Variants in CYP2S1 observed in about 807,000 individuals in gnomAD.
The protein encoded by CYP2S1 is cytochrome P450 2S1.
CYP2S1 carries 32 observed loss-of-function variants against 43.5 expected under a neutral mutation model. The ratio of observed to expected loss-of-function variants is 0.74; its 90% CI spans 0.56 to 0.99. The LOEUF (loss-of-function observed/expected upper bound fraction) is 0.99. Among genes scored for constraint, CYP2S1 ranks in the 50% least tolerant of loss-of-function variants. CYP2S1 has a pLI of 0.00. For synonymous variants in CYP2S1, 283 were observed against 302.9 expected, an observed-to-expected ratio of 0.93 and a Z score of 0.68; for missense variants, 575 against 673.9, an observed-to-expected ratio of 0.85 and a Z score of 1.62.
intron 2 of CYP2S1, among the ~76,000 whole-genome samples, chr19:41,196,196 T>G: frequency 6.7e-6 from 1 of 149,346 alleles, no homozygotes; most frequent in African/African-American, 2.5e-5. Flanking sequence ...GGGGTGAGAG[T>G]GATGGAGGCA....
At position 41,206,679 on chromosome 19, in the gene CYP2S1, C is replaced by T. The variant is rs1171455563; in HGVS notation, c.*191C>T. On this transcript the variant is annotated 3_prime_UTR_variant, in exon 9 of 9. Coordinates refer to ENST00000310054, the MANE Select transcript of CYP2S1 (RefSeq NM_030622.8). Reference sequence around the variant, plus strand: ...CATGCTGCTAAGATGCACAACCGCACACCCATACACAACTACAAGGGCCAC... The same window carrying T: ...CATGCTGCTAAGATGCACAACCGCATACCCATACACAACTACAAGGGCCAC... 3.7e-6 allele frequency: 3 copies of T among 801,048 alleles called. No individual in the cohort carries two copies. In the African/African-American group the frequency reaches 5.0e-5, roughly 13 times the overall value. 49.6% of individuals were successfully genotyped at this position (801,048 alleles called of 1,614,324 possible). A position where few individuals can be genotyped will look rare whatever the true frequency, so the allele number is the denominator to read the frequency against.
At chr19:41,200,839 G>T (rs1039903283) in intron 5 of CYP2S1, among the ~76,000 whole-genome samples, 1 of 152,130 alleles carries the variant, frequency 6.6e-6, no homozygotes, top group African/African-American at 2.4e-5. Flanking sequence ...GCAGCCCTGT[G>T]GAAAATGGTA....
chr19:41,200,282 T>C (rs2033472065), intron 5 of CYP2S1, among the ~76,000 whole-genome samples: 1 of 152,210 alleles, frequency 6.6e-6, no homozygotes, highest in African/African-American at 2.4e-5. Flanking sequence ...CATACTGTTA[T>C]GCAATCAGTC....
Position 41,206,829 on chromosome 19 carries a change from C to T in CYP2S1, c.*341C>T. On this transcript the variant is annotated 3_prime_UTR_variant, in exon 9 of 9. Coordinates refer to ENST00000310054, the MANE Select transcript of CYP2S1 (RefSeq NM_030622.8). ...CCCACACGTGGGAGTCTGGCTGTCACCTTCACAAGCCACAGAAACGGCCAC... is the reference window on the plus strand; with the variant it reads ...CCCACACGTGGGAGTCTGGCTGTCATCTTCACAAGCCACAGAAACGGCCAC... 2.0e-6 allele frequency: 1 copy of T among 506,502 alleles called. No homozygotes were observed. Among genetic ancestry groups the T allele is most frequent in the Non-Finnish European group, 3.8e-6 (1 of 260,058 alleles). 31.4% of individuals were successfully genotyped at this position (506,502 alleles called of 1,614,324 possible).
Position 41,197,963 on chromosome 19 carries a change from C to T in CYP2S1, c.493+35C>T, listed in dbSNP as rs113009382. 4.2e-5 allele frequency: 66 copies of T among 1,578,474 alleles called. No homozygotes were observed. In the African/African-American group the frequency reaches 4.6e-4, roughly 11 times the overall value. The stretch of plus-strand genomic sequence containing the variant: ...GCGGGGTCACCCCAGGGTCTCCAGC[C>T]GAGTGAAAGGGAAAACTCTCCTACT... On this transcript the variant is annotated intron_variant, in intron 3 of 8. Transcript: ENST00000310054.
In CYP2S1 at chr19:41,197,902, T is replaced by G; in HGVS notation, c.467T>G (p.Leu156Arg). 6.2e-7 allele frequency: 1 copy of G among 1,613,638 alleles called. No individual in the cohort carries two copies. The highest frequency in any genetic ancestry group is 8.5e-7 in the Non-Finnish European group (1 of 1,179,848). Residue 156 changes from leucine (L) to arginine (R), a missense_variant, in exon 3 of 9, where the codon CTG becomes CGG. Leu to Arg is a moderately radical substitution (Grantham distance 102, BLOSUM62 -2). This residue lies in a region of CYP2S1 where 353 missense variants were observed against 367.6 expected (regional missense o/e 0.96). Transcript: ENST00000310054. The part of the protein sequence containing the change: ...EELIQAEARC[L>R]VETFQGTEGR... ...CTGATCCAGGCGGAGGCCCGGTGTC[T>G]GGTGGAGACATTCCAGGGGACAGAA...
chr19:41,197,939 C>G lies in CYP2S1; in HGVS notation c.493+11C>G, dbSNP rs559786282. 3.0e-5 allele frequency: 48 copies of G among 1,605,574 alleles called. No homozygotes were observed. Among genetic ancestry groups the G allele is most frequent in the Non-Finnish European group, 4.2e-6 (5 of 1,176,600 alleles). ...TCCAGGGGACAGAAGGTCAGCATGG[C>G]GGGGTCACCCCAGGGTCTCCAGCCG... is the stretch of plus-strand genomic sequence containing the variant. On this transcript the variant is annotated intron_variant, in intron 3 of 8. Transcript: ENST00000310054.
At chr19:41,204,391 T>C (rs1568402121) in intron 7 of CYP2S1, among the ~76,000 whole-genome samples, 1 of 146,244 alleles carries the variant, frequency 6.8e-6, no homozygotes, top group Non-Finnish European at 1.5e-5. Context: ...GCAGACACAT[T>C]CTCTCCTCTG....
rs1013254028 is a variant in CYP2S1, at chr19:41,205,546, G to C, written c.1165-412G>C. On this transcript the variant is annotated intron_variant, in intron 7 of 8. Transcript: ENST00000310054. ...CTCTTTCTCTCTTTCTTTCTTGACAGGGTCTCTCTTTGTCTCCCAGGCTGG... is the reference window on the plus strand; with the variant it reads ...CTCTTTCTCTCTTTCTTTCTTGACACGGTCTCTCTTTGTCTCCCAGGCTGG... 3.3e-5 allele frequency among the ~76,000 whole-genome samples: 5 copies of C among 149,968 alleles called. No individual in the cohort carries two copies. The East Asian group carries it at 9.8e-4, about 29-fold the overall frequency.
At chr19:41,204,848 G>A (rs1473062542) in intron 7 of CYP2S1, among the ~76,000 whole-genome samples, 5 of 151,784 alleles carry the variant, frequency 3.3e-5, no homozygotes, top group South Asian at 2.1e-4. Context: ...TGCCTGCCTC[G>A]GCCTCCTAAA....
Position 41,198,344 on chromosome 19 carries a change from T to G in CYP2S1, c.494-118T>G, listed in dbSNP as rs2033441335. ...TTCTTTGCCTGTTTAGCTCTCTCCC[T>G]GCGCTGTCCATCCATCTTTCCCTGC... On this transcript the variant is annotated intron_variant, in intron 3 of 8. Coordinates refer to ENST00000310054, the MANE Select transcript of CYP2S1 (RefSeq NM_030622.8). The surrounding 1 kb of genome is among the most constrained non-coding windows in gnomAD (Gnocchi z 4.9). 6 of 1,336,278 alleles carry G rather than the reference T, an allele frequency of 4.5e-6. No individual in the cohort carries two copies. The highest frequency in any genetic ancestry group is 5.2e-6 in the Non-Finnish European group (5 of 963,164). 82.8% of individuals were successfully genotyped at this position (1,336,278 alleles called of 1,614,324 possible).
chr19:41,205,207 AC>A (rs1477801828), intron 7 of CYP2S1, among the ~76,000 whole-genome samples: 1 of 152,154 alleles, frequency 6.6e-6, no homozygotes, highest in Non-Finnish European at 1.5e-5. Context: ...TGCCCATCTT[AC>A]AGATAAGGAA....
rs1429687654 is a variant in CYP2S1, at chr19:41,203,588, C to A, written c.1115C>A (p.Pro372His). The A allele has an allele frequency of 7.7e-6, 12 of 1,559,912 alleles. No homozygotes were observed. The highest frequency in any genetic ancestry group is 1.9e-5 in the Admixed American group (1 of 52,036). Residue 372 changes from proline (P) to histidine (H), a missense_variant, in exon 7 of 9, where the codon CCC (proline) becomes CAC (histidine). This residue lies in a region of CYP2S1 where 222 missense variants were observed against 306.3 expected (regional missense o/e 0.72). Transcript: ENST00000310054. Reference sequence around the variant, plus strand: ...CTGGCGCTGGTGCCCATGGGAATACCCCGCACCCTCATGCGGACCACCCGC... The same window carrying A: ...CTGGCGCTGGTGCCCATGGGAATACACCGCACCCTCATGCGGACCACCCGC... Reference protein sequence around the residue: ...RLLALVPMGIPRTLMRTTRFR... With the variant: ...RLLALVPMGIHRTLMRTTRFR...
At position 41,198,031 on chromosome 19, in the gene CYP2S1, A is replaced by AG; in HGVS notation, c.493+107dup. ...CAACCCAGGTCCTGGAATGGGCAGG[A>AG]GGGGAAGCCTTGAACTCTAGGGCTG... On this transcript the variant is annotated intron_variant, in intron 3 of 8. Coordinates refer to ENST00000310054, the MANE Select transcript of CYP2S1 (RefSeq NM_030622.8). This position sits in a 1 kb window ranked among gnomAD's most constrained non-coding sequence, Gnocchi z 4.9. 6.9e-7 allele frequency: 1 copy of AG among 1,448,238 alleles called. No individual in the cohort carries two copies. The highest frequency in any genetic ancestry group is 1.4e-5 in the African/African-American group (1 of 69,994). The allele number at this position is 1,448,238 out of a possible 1,614,324, so 89.7% of individuals were successfully genotyped here. A position where few individuals can be genotyped will look rare whatever the true frequency, so the allele number is the denominator to read the frequency against.
chr19:41,194,420 C>T, intron 1 of CYP2S1, 124 bp from the exon 2 acceptor site: 1 of 1,260,912 alleles, frequency 7.9e-7, no homozygotes, highest in South Asian at 1.9e-5. Flanking sequence ...GGGATGGGGG[C>T]AGGTTCCTGG....
At chr19:41,196,012 A>G (rs561201955) in intron 2 of CYP2S1, among the ~76,000 whole-genome samples, 20 of 152,058 alleles carry the variant, frequency 1.3e-4, no homozygotes, top group Non-Finnish European at 2.6e-4. Flanking sequence ...CAGTAAGACA[A>G]TAGAGGGAGG....
rs771295308 is a variant in CYP2S1 at position 41,198,188 on chromosome 19, CT to C, written c.493+264del. On this transcript the variant is annotated intron_variant, in intron 3 of 8. Coordinates refer to ENST00000310054, the MANE Select transcript of CYP2S1 (RefSeq NM_030622.8). This position sits in a 1 kb window ranked among gnomAD's most constrained non-coding sequence, Gnocchi z 4.9. The stretch of plus-strand genomic sequence containing the variant: ...TGGGTCTCCATCTCTCTCTCTGTCT[CT>C]TTTCTTTCTCTCTCCTTTCCTCTAT... Among the ~76,000 whole-genome samples the C allele has an allele frequency of 1.3e-5, 2 of 151,992 alleles. No individual in the cohort carries two copies. The highest frequency in any genetic ancestry group is 4.8e-5 in the African/African-American group (2 of 41,462).
At chr19:41,197,978 A>G (rs2033436684) in intron 3 of CYP2S1, 50 bp downstream of exon 3, 1 of 1,553,024 alleles carries the variant, frequency 6.4e-7, no homozygotes, top group South Asian at 1.2e-5. Context: ...GAAAGGGAAA[A>G]CTCTCCTACT....
At chr19:41,205,418 TTCTCTC>T (rs11311956) in intron 7 of CYP2S1, among the ~76,000 whole-genome samples, 29,985 of 87,582 alleles carry the variant, frequency 0.34, 3,467 homozygotes, top group African/African-American at 0.51. Flanking sequence ...CTTTCTTTCT[TTCTCTC>T]TCTCTCTCTT....
Sources: allele counts gnomAD v4.1 joint callset (sites outside exome capture counted in the v4.1 genomes callset), GRCh38; gene constraint gnomAD v4.1.1; regional missense constraint gnomAD v4.1.1; non-coding constraint Gnocchi (gnomAD v3.1); transcripts MANE v1.5; gene names NCBI Gene and HGNC (gene_info 2026-07-23, HGNC 2026-07-21).